The following GPHN variants were observed in gnomAD, a reference collection of about 807,000 sequenced individuals.
GPHN encodes gephyrin.
GPHN carries 17 observed loss-of-function variants against 95.5 expected under a neutral mutation model. The ratio of observed to expected loss-of-function variants is 0.18; its 90% CI spans 0.12 to 0.27. The LOEUF is 0.27. GPHN is among the 10% of genes least tolerant of loss of function. The pLI is 1.00. For synonymous variants in GPHN, 320 were observed against 322.5 expected (o/e 0.99, Z 0.08); for missense variants, 660 against 978.1 (o/e 0.67, Z 4.34).
At chr14:67,592,448 T>G in the GPHN span, 5 of 556,930 alleles carry the variant, frequency 9.0e-6, no homozygotes, top group Non-Finnish European at 1.6e-5. Context: ...TAAAATAAAA[T>G]AAAATGTGCA....
At position 66,587,967 on chromosome 14, in the gene GPHN, C is replaced by CA. The variant is rs2061491683; in HGVS notation, c.64+79377dup. The stretch of plus-strand genomic sequence containing the variant: ...GGAGACACCTCCCAGCAAGGGTTGA[C>CA]AGACACCTCATACAGGAGAGCTCCG... On this transcript the variant is annotated intron_variant, in intron 1 of 22. Coordinates refer to ENST00000478722, the MANE Select transcript of GPHN (RefSeq NM_020806.5). Among the ~76,000 whole-genome samples the CA allele has an allele frequency of 2.6e-5, 4 of 152,194 alleles. 1 individual carries two copies. Among genetic ancestry groups the CA allele is most frequent in the Non-Finnish European group, 5.9e-5 (4 of 68,022 alleles).
intron 1 of GPHN, among the ~76,000 whole-genome samples, chr14:66,545,601 G>GC (rs1212448741): frequency 3.5e-5 from 4 of 113,164 alleles, no homozygotes; most frequent in African/African-American, 1.8e-4. Flanking sequence ...GGCTGGCCGG[G>GC]CGGGGGGCTG....
chr14:66,815,286 G>A (rs2060917875), intron 3 of GPHN, among the ~76,000 whole-genome samples: 1 of 152,118 alleles, frequency 6.6e-6, no homozygotes, highest in African/African-American at 2.4e-5. Context: ...TAGCTAGAGA[G>A]GCCAACATTC....
Position 66,938,901 on chromosome 14 carries a change from G to A in GPHN, c.828+14609G>A, listed in dbSNP as rs111494243. 3.1e-3 allele frequency among the ~76,000 whole-genome samples: 471 copies of A among 152,186 alleles called. 11 individuals are homozygous for A. The highest frequency in any genetic ancestry group is 0.011 in the African/African-American group (446 of 41,532). ...TTAAACTAAAAACTCTTGCAAATATGGTCAAATGATTTTTGACCAGGGAAC... is the reference window on the plus strand; with the variant it reads ...TTAAACTAAAAACTCTTGCAAATATAGTCAAATGATTTTTGACCAGGGAAC... On this transcript the variant is annotated intron_variant, in intron 8 of 22. Transcript: ENST00000478722.
chr14:67,009,668 A>G (rs1370470023), intron 9 of GPHN, among the ~76,000 whole-genome samples: 1 of 152,200 alleles, frequency 6.6e-6, no homozygotes, highest in Non-Finnish European at 1.5e-5. Context: ...TGATTTGAAC[A>G]GATAGTAAAA....
At chr14:67,274,933 T>G in the GPHN span, among the ~76,000 whole-genome samples, 1 of 152,216 alleles carries the variant, frequency 6.6e-6, no homozygotes, top group Admixed American at 6.5e-5. Flanking sequence ...TGTCTGTTAT[T>G]GGTGTATAAG....
At chr14:66,550,465 G>A (rs574156030) in intron 1 of GPHN, among the ~76,000 whole-genome samples, 1 of 152,264 alleles carries the variant, frequency 6.6e-6, no homozygotes, top group Admixed American at 6.5e-5. Context: ...TTCTTGAGAT[G>A]GAATCTACTC....
intron 3 of GPHN, among the ~76,000 whole-genome samples, chr14:66,815,649 G>C (rs1472909053): frequency 6.6e-6 from 1 of 152,184 alleles, no homozygotes; most frequent in Non-Finnish European, 1.5e-5. Context: ...CCTTACAAGA[G>C]CTCCTGAAGG....
chr14:66,750,403 A>G (rs2058323506), intron 2 of GPHN, among the ~76,000 whole-genome samples: 1 of 151,910 alleles, frequency 6.6e-6, no homozygotes, highest in East Asian at 1.9e-4. Context: ...AATCAGACTT[A>G]TAATTGTAGT....
the GPHN span, among the ~76,000 whole-genome samples, chr14:67,506,851 G>A: frequency 1.3e-5 from 2 of 152,142 alleles, no homozygotes; most frequent in African/African-American, 4.8e-5. Flanking sequence ...GGGGGTGGTG[G>A]CATGCACCTG....
intron 2 of GPHN, among the ~76,000 whole-genome samples, chr14:66,708,287 T>C (rs2069283695): frequency 6.6e-6 from 1 of 152,112 alleles, no homozygotes; most frequent in Admixed American, 6.6e-5. Context: ...TTCTTTGCCT[T>C]CCAACAATTG....
chr14:66,765,760 A>G (rs1228616912), intron 2 of GPHN, among the ~76,000 whole-genome samples: 2 of 149,956 alleles, frequency 1.3e-5, no homozygotes, highest in Non-Finnish European at 1.5e-5. Context: ...ACTGAAACAG[A>G]AAAAAAAAAG....
intron 1 of GPHN, among the ~76,000 whole-genome samples, chr14:66,669,767 T>G (rs1272010143): frequency 6.6e-6 from 1 of 152,208 alleles, no homozygotes; most frequent in Non-Finnish European, 1.5e-5. Flanking sequence ...AAAATTTCTA[T>G]TTGGTCTTCC....
At chr14:67,035,717 A>G (rs532028621) in intron 10 of GPHN, among the ~76,000 whole-genome samples, 157 of 151,950 alleles carry the variant, frequency 1.0e-3, no homozygotes, top group Non-Finnish European at 1.7e-3. Flanking sequence ...AAACATATCT[A>G]TAACCATTAA....
chr14:66,518,303 G>C (rs1008135559), intron 1 of GPHN, among the ~76,000 whole-genome samples: 1 of 152,060 alleles, frequency 6.6e-6, no homozygotes, highest in Non-Finnish European at 1.5e-5. Context: ...TCTTACCCCA[G>C]TTAGGATCAC....
At chr14:67,211,144 T>C in the GPHN span, among the ~76,000 whole-genome samples, 1 of 152,236 alleles carries the variant, frequency 6.6e-6, no homozygotes, top group East Asian at 1.9e-4. Context: ...ATGGGGATAC[T>C]ATCTACCATG....
the GPHN span, among the ~76,000 whole-genome samples, chr14:67,233,466 T>A: frequency 6.6e-6 from 1 of 152,200 alleles, no homozygotes; most frequent in Non-Finnish European, 1.5e-5. Context: ...GTCTATCACA[T>A]GAGAAGGTAG....
intron 9 of GPHN, among the ~76,000 whole-genome samples, chr14:66,990,189 C>T (rs80207231): frequency 1.3e-5 from 2 of 152,120 alleles, no homozygotes; most frequent in South Asian, 4.1e-4. Flanking sequence ...AGTGAGAACT[C>T]CCTCACTATT....
chr14:67,370,237 A>G, the GPHN span, among the ~76,000 whole-genome samples: 79,368 of 152,092 alleles, frequency 0.52, 23,877 homozygotes, highest in African/African-American at 0.83. Context: ...GGGCGTTAGG[A>G]CCATTATGGA....
Sources: allele counts gnomAD v4.1 joint callset (sites outside exome capture counted in the v4.1 genomes callset), GRCh38; gene constraint gnomAD v4.1.1; transcripts MANE v1.5; gene names NCBI Gene and HGNC (gene_info 2026-07-23, HGNC 2026-07-21).